Variants in CRACD observed in about 807,000 individuals in gnomAD.
CRACD encodes the protein capping protein-inhibiting regulator of actin dynamics.
CRACD carries 56 observed loss-of-function variants against 106.8 expected under a neutral mutation model. That is an observed-to-expected ratio of 0.52 (90% CI 0.42 to 0.66). CRACD has a LOEUF of 0.66. CRACD is among the 30% of genes least tolerant of loss of function. CRACD has a pLI of 0.00. For synonymous variants in CRACD, 754 were observed against 670.8 expected (o/e 1.12, Z -1.92); for missense variants, 1,730 against 1,623.2 (o/e 1.07, Z -1.13).
At chr4:56,275,435 A>G (rs1236823852) in intron 3 of CRACD, among the ~76,000 whole-genome samples, 2 of 152,160 alleles carry the variant, frequency 1.3e-5, no homozygotes, top group African/African-American at 2.4e-5. Flanking sequence ...ACTGCACTCT[A>G]GCCTGGACAA....
chr4:56,130,676 T>C (rs1371390743), intron 1 of CRACD, among the ~76,000 whole-genome samples: 1 of 152,236 alleles, frequency 6.6e-6, no homozygotes, highest in Non-Finnish European at 1.5e-5. Flanking sequence ...GCTCATCTAC[T>C]AGTTGGTTAG....
intron 2 of CRACD, among the ~76,000 whole-genome samples, chr4:56,223,820 G>A (rs550793562): frequency 2.0e-4 from 30 of 152,238 alleles, no homozygotes; most frequent in East Asian, 7.7e-4. Context: ...GTACAGTGAC[G>A]CAGTCTCAGC....
At chr4:56,104,218 T>C (rs995581482) in intron 1 of CRACD, among the ~76,000 whole-genome samples, 29 of 152,010 alleles carry the variant, frequency 1.9e-4, no homozygotes, top group African/African-American at 6.8e-4. Flanking sequence ...GCAACATAGA[T>C]AGACCTCACA....
chr4:56,286,525 C>CAGAAAAAAAAAAAA (rs1553917417), intron 3 of CRACD, among the ~76,000 whole-genome samples: 1 of 89,382 alleles, frequency 1.1e-5, no homozygotes, highest in Non-Finnish European at 2.2e-5. Context: ...GACTCCGTCT[C>CAGAAAAAAAAAAAA]AAAAAAAAAA....
At chr4:56,136,660 G>A (rs1735010884) in intron 1 of CRACD, among the ~76,000 whole-genome samples, 1 of 151,996 alleles carries the variant, frequency 6.6e-6, no homozygotes, top group Admixed American at 6.6e-5. Context: ...AGCATTTATT[G>A]GAAAGATATT....
At chr4:56,113,378 A>G (rs973070555) in intron 1 of CRACD, among the ~76,000 whole-genome samples, 1 of 152,196 alleles carries the variant, frequency 6.6e-6, no homozygotes, top group African/African-American at 2.4e-5. Flanking sequence ...GTGATGTCTA[A>G]TGATAGGCAG....
chr4:56,262,553 A>T (rs11944609), intron 2 of CRACD, among the ~76,000 whole-genome samples: 36,653 of 152,072 alleles, frequency 0.24, 4,589 homozygotes, highest in Non-Finnish European at 0.27. Flanking sequence ...TCATTAGTGT[A>T]AGTGTATTTT....
rs770975009 is a variant in CRACD at position 56,315,391 on chromosome 4, C to T, written c.1889C>T (p.Ala630Val). The T allele has an allele frequency of 3.1e-6, 5 of 1,612,480 alleles. No individual in the cohort carries two copies. Among genetic ancestry groups the T allele is most frequent in the Non-Finnish European group, 4.2e-6 (5 of 1,179,514 alleles). ...CTGGGCTTGGAGGAGAAGAAGCACG[C>T]GGAAGCCCCAGCTGGGGAGAACCCT... ...SLLGLEEKKH[A>V]EAPAGENPPR... Residue 630 changes from alanine (A) to valine (V), a missense_variant, in exon 8 of 11, where the codon GCG becomes GTG. Ala to Val is a moderately conservative substitution (Grantham distance 64). This residue lies in a region of CRACD where 1,620 missense variants were observed against 1,481.6 expected (regional missense o/e 1.09). Transcript: ENST00000682029. The surrounding 1 kb of genome is among the most constrained non-coding windows in gnomAD (Gnocchi z 4.1).
Position 56,327,885 on chromosome 4 carries a change from A to G in CRACD, c.*81A>G. 1 of 1,244,892 alleles carries G rather than the reference A, an allele frequency of 8.0e-7. No homozygotes were observed. Among genetic ancestry groups the G allele is most frequent in the Non-Finnish European group, 1.1e-6 (1 of 887,306 alleles). 77.1% of individuals were successfully genotyped at this position (1,244,892 alleles called of 1,614,324 possible). A position where few individuals can be genotyped will look rare whatever the true frequency, so the allele number is the denominator to read the frequency against. Reference sequence around the variant, plus strand: ...TATTTATTTATTTTTTATATGGGGTAAAGAAATCAAGCTAGGGAAAAGAAG... The same window carrying G: ...TATTTATTTATTTTTTATATGGGGTGAAGAAATCAAGCTAGGGAAAAGAAG... On this transcript the variant is annotated 3_prime_UTR_variant, in exon 11 of 11. Transcript: ENST00000682029.
intron 2 of CRACD, among the ~76,000 whole-genome samples, chr4:56,213,419 C>T (rs543598993): frequency 6.6e-6 from 1 of 152,114 alleles, no homozygotes; most frequent in Non-Finnish European, 1.5e-5. Flanking sequence ...GCACTCCAGC[C>T]TGGGCAACAA....
At chr4:56,270,808 C>A (rs532047433) in intron 2 of CRACD, among the ~76,000 whole-genome samples, 1 of 151,932 alleles carries the variant, frequency 6.6e-6, no homozygotes, top group South Asian at 2.1e-4. Context: ...TAGGCCAGGC[C>A]CAGTGGTTCA....
intron 2 of CRACD, among the ~76,000 whole-genome samples, chr4:56,204,931 G>A (rs1000368427): frequency 6.6e-5 from 10 of 151,744 alleles, no homozygotes; most frequent in African/African-American, 1.7e-4. Context: ...AGGCCGAGGC[G>A]GGAGGATCCT....
At chr4:56,156,802 C>T (rs1051704297) in intron 1 of CRACD, among the ~76,000 whole-genome samples, 4 of 152,184 alleles carry the variant, frequency 2.6e-5, no homozygotes, top group African/African-American at 7.2e-5. Flanking sequence ...TCTGTAAAAT[C>T]GAAACAGTAA....
chr4:56,123,501 C>G (rs1439837895), intron 1 of CRACD, among the ~76,000 whole-genome samples: 1 of 152,202 alleles, frequency 6.6e-6, no homozygotes, highest in Admixed American at 6.5e-5. Context: ...CTTATCTAAT[C>G]CCAGTTGCCT....
chr4:56,227,490 TC>T lies in CRACD; in HGVS notation c.-188-44830del, dbSNP rs547611185. ...GGTCTTTCTGAATCTACTGGCAGCT[TC>T]TGGGTCTCCCTTGCCAAAAATTACT... On this transcript the variant is annotated intron_variant, in intron 2 of 10. Coordinates refer to ENST00000682029, the MANE Select transcript of CRACD (RefSeq NM_001393381.1). Among the ~76,000 whole-genome samples the T allele has an allele frequency of 8.9e-3, 1,245 of 139,420 alleles. 20 individuals carry two copies. The highest frequency in any genetic ancestry group is 0.029 in the African/African-American group (1,173 of 40,304). The allele number at this position is 139,420 out of a possible 152,430, so 91.5% of individuals were successfully genotyped here.
intron 1 of CRACD, among the ~76,000 whole-genome samples, chr4:56,119,192 C>T (rs535832934): frequency 2.9e-4 from 44 of 152,266 alleles, no homozygotes; most frequent in African/African-American, 1.0e-3. Context: ...CTCCAGAGAC[C>T]ATGCTCTTAA....
intron 1 of CRACD, among the ~76,000 whole-genome samples, chr4:56,159,481 C>T (rs894441228): frequency 6.6e-6 from 1 of 152,078 alleles, no homozygotes; most frequent in African/African-American, 2.4e-5. Flanking sequence ...AAACCCCATT[C>T]TACTAAAAAT....
At chr4:56,113,902 A>G (rs561418013) in intron 1 of CRACD, among the ~76,000 whole-genome samples, 4 of 152,310 alleles carry the variant, frequency 2.6e-5, no homozygotes, top group South Asian at 4.1e-4. Flanking sequence ...TCTTGTATAC[A>G]TAAAAGCATT....
chr4:56,174,636 A>G (rs1176056814), intron 1 of CRACD, among the ~76,000 whole-genome samples: 1 of 152,230 alleles, frequency 6.6e-6, no homozygotes, highest in Non-Finnish European at 1.5e-5. Flanking sequence ...GCTAAATAAT[A>G]TTCCATTGTG....
Sources: gnomAD v4.1 joint callset for allele counts (sites outside exome capture counted in the v4.1 genomes callset) on GRCh38, gnomAD v4.1.1 for gene constraint, gnomAD v4.1.1 regional missense constraint, Gnocchi (gnomAD v3.1) non-coding constraint, MANE v1.5 for transcripts, NCBI Gene and HGNC (gene_info 2026-07-23, HGNC 2026-07-21) for gene names.